PACRGL: variants seen among roughly 807,000 people sequenced by gnomAD.
The protein encoded by PACRGL is PACRG-like protein.
Under a neutral mutation model 34.5 loss-of-function variants are expected in PACRGL, and 38 were observed. That is an observed-to-expected ratio of 1.10 (90% CI 0.85 to 1.44). The LOEUF is 1.44. PACRGL is among the 40% of genes most tolerant of loss of function. The pLI, the probability that PACRGL is intolerant of heterozygous loss-of-function variation, is 0.00. For missense variants in PACRGL, 305 were observed against 281.4 expected, an observed-to-expected ratio of 1.08 and a Z score of -0.60; for synonymous variants, 128 against 100.1, an observed-to-expected ratio of 1.28 and a Z score of -1.66.
At position 20,730,056 on chromosome 4, in the gene PACRGL, G is replaced by T. The variant is rs377682600; in HGVS notation, c.*2715G>T. The T allele has an allele frequency of 6.2e-6, 10 of 1,600,936 alleles. No homozygotes were observed. The highest frequency in any genetic ancestry group is 1.3e-5 in the African/African-American group (1 of 74,242). On this transcript the variant is annotated 3_prime_UTR_variant, in exon 9 of 9. Transcript: ENST00000503585. ...GTGGTAGAATAGTTCACATTTGTCTGTTGGATTCAGGATCTATTTGACAAG... is the reference window on the plus strand; with the variant it reads ...GTGGTAGAATAGTTCACATTTGTCTTTTGGATTCAGGATCTATTTGACAAG...
At chr4:20,712,737 T>C (rs542054379) in intron 5 of PACRGL, 51 bp from the exon 6 acceptor site, 31 of 1,347,456 alleles carry the variant, frequency 2.3e-5, no homozygotes, top group South Asian at 9.5e-5. Flanking sequence ...TTTTCTGTTA[T>C]TAGCATAATG....
At chr4:20,737,362 G>A (rs551027822), downstream of PACRGL, among the ~76,000 whole-genome samples, 60 of 152,310 alleles carry the variant, frequency 3.9e-4, no homozygotes, top group East Asian at 7.7e-4. Context: ...GATAGGGAAC[G>A]GTCCAGTGGA....
At chr4:20,715,094 A>G (rs1368609526) in intron 7 of PACRGL, among the ~76,000 whole-genome samples, 1 of 152,270 alleles carries the variant, frequency 6.6e-6, no homozygotes, top group Non-Finnish European at 1.5e-5. Flanking sequence ...CTATGTAGCC[A>G]TAAAAAATGA....
intron 8 of PACRGL, among the ~76,000 whole-genome samples, chr4:20,745,522 A>G (rs1752227958): frequency 6.6e-6 from 1 of 152,180 alleles, no homozygotes; most frequent in African/African-American, 2.4e-5. Context: ...GGAAGTGACA[A>G]ACTTAACAAC....
intron 3 of PACRGL, among the ~76,000 whole-genome samples, chr4:20,705,997 A>G (rs1356331127): frequency 1.3e-5 from 2 of 151,014 alleles, no homozygotes; most frequent in Non-Finnish European, 2.9e-5. Flanking sequence ...GCACATTAAT[A>G]TTTTAAATAT....
intron 7 of PACRGL, among the ~76,000 whole-genome samples, chr4:20,716,797 T>C (rs542811917): frequency 2.0e-5 from 3 of 152,332 alleles, no homozygotes; most frequent in South Asian, 2.1e-4. Flanking sequence ...TAAACATACA[T>C]GTGCATGTGT....
At chr4:20,725,015 G>T (rs2149201539) in intron 8 of PACRGL, 127 bp downstream of exon 8, 4 of 537,614 alleles carry the variant, frequency 7.4e-6, no homozygotes, top group Middle Eastern at 5.5e-4. Flanking sequence ...AATTGATGCT[G>T]TTATTTTCCT....
intron 8 of PACRGL, among the ~76,000 whole-genome samples, chr4:20,744,519 A>G (rs1015691904): frequency 7.9e-5 from 12 of 152,176 alleles, no homozygotes; most frequent in Non-Finnish European, 1.3e-4. Context: ...TCGCAAGGAC[A>G]GAAAACCAAA....
chr4:20,724,912 G>GTTT, intron 8 of PACRGL, 24 bp downstream of exon 8: 1 of 1,255,144 alleles, frequency 8.0e-7, no homozygotes, highest in South Asian at 1.8e-5. Context: ...TATTCCTTAA[G>GTTT]TCTTTTTTTT....
chr4:20,732,844 G>A, downstream of PACRGL: 1 of 1,040,456 alleles, frequency 9.6e-7, no homozygotes, highest in African/African-American at 1.6e-5. Context: ...ACCAGTCTAA[G>A]AAGCTCTGAC....
intron 8 of PACRGL, among the ~76,000 whole-genome samples, chr4:20,748,597 T>C (rs1431901086): frequency 9.6e-6 from 1 of 104,482 alleles, no homozygotes; most frequent in Non-Finnish European, 2.1e-5. Context: ...TATATATATA[T>C]ATATATATTC....
intron 1 of PACRGL, among the ~76,000 whole-genome samples, chr4:20,703,844 G>C (rs114166394): frequency 6.6e-6 from 1 of 152,124 alleles, no homozygotes; most frequent in East Asian, 1.9e-4. Flanking sequence ...TTCTCATCAC[G>C]TGTAGCATTG....
At chr4:20,710,901 G>T (rs904954174) in intron 5 of PACRGL, among the ~76,000 whole-genome samples, 2 of 152,068 alleles carry the variant, frequency 1.3e-5, no homozygotes, top group Non-Finnish European at 2.9e-5. Flanking sequence ...TGGCATTAAA[G>T]GTTAGGCTGG....
At chr4:20,726,592 C>G (rs1040169979) in intron 8 of PACRGL, among the ~76,000 whole-genome samples, 33 of 152,136 alleles carry the variant, frequency 2.2e-4, no homozygotes, top group African/African-American at 7.2e-4. Context: ...TTATATATCT[C>G]TTTCTTTCTT....
intron 3 of PACRGL, among the ~76,000 whole-genome samples, chr4:20,706,795 C>T (rs1292101020): frequency 2.0e-5 from 3 of 151,942 alleles, no homozygotes; most frequent in South Asian, 2.1e-4. Context: ...AGGATGGTCT[C>T]GATCTCCTGA....
chr4:20,718,118 A>G (rs535500018), intron 7 of PACRGL, among the ~76,000 whole-genome samples: 2 of 152,136 alleles, frequency 1.3e-5, no homozygotes, highest in South Asian at 4.1e-4. Context: ...GAGTTCACTC[A>G]TGATTTGGCT....
At chr4:20,743,762 T>G (rs1418803873) in intron 8 of PACRGL, among the ~76,000 whole-genome samples, 11 of 151,904 alleles carry the variant, frequency 7.2e-5, no homozygotes, top group Admixed American at 7.2e-4. Context: ...AAGCCAAAAT[T>G]GACAAATGGG....
chr4:20,760,435 AACTT>A, the PACRGL span, among the ~76,000 whole-genome samples: 4 of 152,156 alleles, frequency 2.6e-5, no homozygotes, highest in African/African-American at 7.2e-5. Flanking sequence ...CTCACTAATA[AACTT>A]ACTTTCTTTA....
In PACRGL at chr4:20,727,408, AT is replaced by A. The variant is rs1228143949; in HGVS notation, c.*70del. 7.8e-7 allele frequency: 1 copy of A among 1,286,922 alleles called. No homozygotes were observed. The highest frequency in any genetic ancestry group is 1.1e-6 in the Non-Finnish European group (1 of 889,504). 79.7% of individuals were successfully genotyped at this position (1,286,922 alleles called of 1,614,324 possible). On this transcript the variant is annotated 3_prime_UTR_variant, in exon 9 of 9. Coordinates refer to ENST00000503585, the MANE Select transcript of PACRGL (RefSeq NM_001258345.3). The stretch of plus-strand genomic sequence containing the variant: ...TGTCAAGCACTAACTGTGGGTACTC[AT>A]TTATTTTATTCTTTTGTAAATCACA...
Sources: gnomAD v4.1 joint callset for allele counts (sites outside exome capture counted in the v4.1 genomes callset) on GRCh38, gnomAD v4.1.1 for gene constraint, MANE v1.5 for transcripts, NCBI Gene and HGNC (gene_info 2026-07-23, HGNC 2026-07-21) for gene names.